VAV3: variants seen among roughly 807,000 people sequenced by gnomAD.
The protein encoded by VAV3 is guanine nucleotide exchange factor VAV3.
Under a neutral mutation model 131.2 loss-of-function variants are expected in VAV3, and 94 were observed. The ratio of observed to expected loss-of-function variants is 0.72; its 90% CI spans 0.61 to 0.85. VAV3 has a LOEUF of 0.85. VAV3 is among the 40% of genes least tolerant of loss of function. VAV3 has a pLI of 0.00. For synonymous variants in VAV3, 349 were observed against 342.0 expected, an observed-to-expected ratio of 1.02 and a Z score of -0.22; for missense variants, 939 against 1,002.7, an observed-to-expected ratio of 0.94 and a Z score of 0.86.
At chr1:107,616,637 G>A (rs1019611796) in intron 21 of VAV3, among the ~76,000 whole-genome samples, 1 of 152,182 alleles carries the variant, frequency 6.6e-6, no homozygotes, top group African/African-American at 2.4e-5. Context: ...CAGAGTAACA[G>A]ACGCTTTTCT....
At chr1:107,925,904 A>G (rs1449171224) in intron 1 of VAV3, among the ~76,000 whole-genome samples, 2 of 151,042 alleles carry the variant, frequency 1.3e-5, no homozygotes, top group African/African-American at 4.9e-5. Flanking sequence ...TATATGATAT[A>G]TATGTTACAT....
intron 19 of VAV3, chr1:107,669,303 C>A: frequency 7.8e-7 from 1 of 1,289,076 alleles, no homozygotes; most frequent in Non-Finnish European, 1.0e-6. Context: ...AAAAGAGCTA[C>A]CCAGTATTGT....
At chr1:107,603,597 G>T (rs1164579790) in intron 22 of VAV3, among the ~76,000 whole-genome samples, 2 of 152,012 alleles carry the variant, frequency 1.3e-5, no homozygotes, top group African/African-American at 2.4e-5. Context: ...GAAAATTCTA[G>T]CAATAAGTTA....
intron 1 of VAV3, among the ~76,000 whole-genome samples, chr1:107,951,493 G>C (rs918363697): frequency 6.6e-6 from 1 of 152,120 alleles, no homozygotes; most frequent in Non-Finnish European, 1.5e-5. Context: ...TAACTAAAGA[G>C]CTTCTGCACA....
At chr1:107,588,901 T>G (rs1650719011) in intron 25 of VAV3, among the ~76,000 whole-genome samples, 1 of 152,202 alleles carries the variant, frequency 6.6e-6, no homozygotes, top group Non-Finnish European at 1.5e-5. Flanking sequence ...AGACAAATGG[T>G]CATTCAAGTA....
At chr1:107,624,145 G>A (rs1003009814) in intron 20 of VAV3, among the ~76,000 whole-genome samples, 6 of 151,846 alleles carry the variant, frequency 4.0e-5, no homozygotes, top group South Asian at 4.1e-4. Flanking sequence ...AATGTATACT[G>A]AGAAAAAAAA....
At chr1:107,646,054 T>G (rs1219484256) in intron 19 of VAV3, among the ~76,000 whole-genome samples, 2 of 152,078 alleles carry the variant, frequency 1.3e-5, no homozygotes, top group Non-Finnish European at 2.9e-5. Flanking sequence ...TTTCATAGAT[T>G]AGTCTTTCAA....
At chr1:107,870,665 C>T (rs948870229) in intron 2 of VAV3, among the ~76,000 whole-genome samples, 3 of 151,732 alleles carry the variant, frequency 2.0e-5, no homozygotes, top group African/African-American at 7.3e-5. Flanking sequence ...ACAACTCTTT[C>T]TCTCTCTCTC....
chr1:107,600,623 T>C (rs138600449), intron 24 of VAV3, among the ~76,000 whole-genome samples: 88 of 152,352 alleles, frequency 5.8e-4, no homozygotes, highest in Middle Eastern at 3.4e-3. Context: ...TTTAAGGCTC[T>C]CTGGCACAAT....
chr1:107,579,602 T>G (rs898918713), intron 25 of VAV3, among the ~76,000 whole-genome samples: 1 of 152,232 alleles, frequency 6.6e-6, no homozygotes, highest in African/African-American at 2.4e-5. Context: ...ATCTATATCA[T>G]TCCTACTCTC....
intron 1 of VAV3, among the ~76,000 whole-genome samples, chr1:107,898,605 T>C (rs188092776): frequency 1.1e-4 from 16 of 152,306 alleles, no homozygotes; most frequent in Middle Eastern, 3.4e-3. Flanking sequence ...TGCAGGGTAA[T>C]AGGAAGCATT....
chr1:107,939,832 G>A (rs1307326329), intron 1 of VAV3, among the ~76,000 whole-genome samples: 1 of 152,064 alleles, frequency 6.6e-6, no homozygotes, highest in Admixed American at 6.5e-5. Flanking sequence ...TTGCTCTTGG[G>A]GAATACTTAA....
At chr1:107,903,869 C>T (rs1671984055) in intron 1 of VAV3, among the ~76,000 whole-genome samples, 1 of 152,110 alleles carries the variant, frequency 6.6e-6, no homozygotes, top group Non-Finnish European at 1.5e-5. Flanking sequence ...ATTCTTGACC[C>T]CTTGTTCTCT....
intron 17 of VAV3, among the ~76,000 whole-genome samples, chr1:107,697,379 G>A (rs1487881626): frequency 6.6e-6 from 1 of 152,178 alleles, no homozygotes; most frequent in African/African-American, 2.4e-5. Context: ...AAAAGAAGGA[G>A]AGAGGGAGAG....
In VAV3 at chr1:107,883,749, A is replaced by AAC. The variant is rs951978996; in HGVS notation, c.205-8734_205-8733dup. ...GGGGCCCTTGGCCAGCAGTCACCAT[A>AAC]ACACACACACACAAGCCCTCTGCTG... is the stretch of plus-strand genomic sequence containing the variant. On this transcript the variant is annotated intron_variant, in intron 1 of 26. Coordinates refer to ENST00000370056, the MANE Select transcript of VAV3 (RefSeq NM_006113.5). 1.3e-3 allele frequency among the ~76,000 whole-genome samples: 190 copies of AAC among 151,984 alleles called. 1 individual carries two copies. The highest frequency in any genetic ancestry group is 3.5e-3 in the African/African-American group (147 of 41,506).
chr1:107,611,261 C>T (rs1652703510), intron 21 of VAV3, among the ~76,000 whole-genome samples: 1 of 152,084 alleles, frequency 6.6e-6, no homozygotes, highest in African/African-American at 2.4e-5. Context: ...CAAACTGTAT[C>T]AAAAATCATC....
chr1:107,879,796 A>G (rs889103011), intron 1 of VAV3, among the ~76,000 whole-genome samples: 2 of 152,234 alleles, frequency 1.3e-5, no homozygotes. Context: ...TTAGAATTTC[A>G]GGACTTAGAA....
chr1:107,960,544 C>T (rs192197367), intron 1 of VAV3, among the ~76,000 whole-genome samples: 8 of 152,226 alleles, frequency 5.3e-5, no homozygotes, highest in Admixed American at 3.9e-4. Flanking sequence ...CCTCTCATTT[C>T]ACTCAAAGTG....
intron 15 of VAV3, among the ~76,000 whole-genome samples, chr1:107,721,329 G>A (rs1239723548): frequency 6.6e-6 from 1 of 152,162 alleles, no homozygotes; most frequent in Non-Finnish European, 1.5e-5. Flanking sequence ...TTCCAGAACT[G>A]TTCAGAGCAG....
Sources: gnomAD v4.1 joint callset for allele counts (sites outside exome capture counted in the v4.1 genomes callset) on GRCh38, gnomAD v4.1.1 for gene constraint, MANE v1.5 for transcripts, NCBI Gene and HGNC (gene_info 2026-07-23, HGNC 2026-07-21) for gene names.